The following UNC79 variants were observed in gnomAD, a reference collection of about 807,000 sequenced individuals.
UNC79 encodes the protein unc-79 subunit of NALCN channel complex, also known as protein unc-79 homolog.
Under a neutral mutation model 283.1 loss-of-function variants are expected in UNC79, and 37 were observed. The ratio of observed to expected loss-of-function variants is 0.13; its 90% CI spans 0.10 to 0.17. The LOEUF (loss-of-function observed/expected upper bound fraction) is 0.17, where lower values mean the gene tolerates loss of function less well. Among genes scored for constraint, UNC79 ranks in the 10% least tolerant of loss-of-function variants. UNC79 has a pLI of 1.00. For synonymous variants in UNC79, 1,107 were observed against 1,200.2 expected, an observed-to-expected ratio of 0.92 and a Z score of 1.61; for missense variants, 2,272 against 3,211.1, an observed-to-expected ratio of 0.71 and a Z score of 7.07.
At chr14:93,470,461 A>G (rs2057444206) in intron 2 of UNC79, among the ~76,000 whole-genome samples, 1 of 152,212 alleles carries the variant, frequency 6.6e-6, no homozygotes, top group Non-Finnish European at 1.5e-5. Flanking sequence ...ATTTGTGTTC[A>G]TGGGCATTCC....
Position 93,531,006 on chromosome 14 carries a change from A to G in UNC79, c.1094-1544A>G, listed in dbSNP as rs778824910. On this transcript the variant is annotated intron_variant, in intron 10 of 48. Coordinates refer to ENST00000555664, the Ensembl canonical transcript of UNC79. The surrounding 1 kb of genome is among the most constrained non-coding windows in gnomAD (Gnocchi z 4.2). ...GGGTAAATTTAACTTTTTTTCCTTT[A>G]AATTATGCTACTTAATTAGTGATCA... is the stretch of plus-strand genomic sequence containing the variant. Among the ~76,000 whole-genome samples the G allele has an allele frequency of 2.0e-5, 3 of 152,204 alleles. No individual in the cohort carries two copies. Among genetic ancestry groups the G allele is most frequent in the Non-Finnish European group, 4.4e-5 (3 of 68,024 alleles).
At chr14:93,571,861 T>A in intron 14 of UNC79, 33 bp from the exon 15 acceptor site, 1 of 1,612,532 alleles carries the variant, frequency 6.2e-7, no homozygotes, top group Non-Finnish European at 8.5e-7. Flanking sequence ...TGTGTTTCAT[T>A]CTTTTCCCCT....
At chr14:93,597,968 A>T (rs889799414) in intron 24 of UNC79, among the ~76,000 whole-genome samples, 1 of 152,180 alleles carries the variant, frequency 6.6e-6, no homozygotes, top group African/African-American at 2.4e-5. Flanking sequence ...TACCAGAACC[A>T]CATCTTGCTA....
intron 20 of UNC79, among the ~76,000 whole-genome samples, chr14:93,584,659 T>A (rs1296814197): frequency 1.3e-5 from 2 of 152,218 alleles, no homozygotes; most frequent in Admixed American, 1.3e-4. Context: ...CTCTGCGTAA[T>A]ATTTTATTGG....
intron 44 of UNC79, 119 bp from the exon 48 acceptor site, chr14:93,689,997 TG>T: frequency 9.0e-7 from 1 of 1,113,408 alleles, no homozygotes; most frequent in Non-Finnish European, 1.3e-6. Flanking sequence ...CTTGGCGTTT[TG>T]TTTTATGTGA....
chr14:93,491,627 A>G (rs1173515770), intron 5 of UNC79, among the ~76,000 whole-genome samples: 1 of 152,218 alleles, frequency 6.6e-6, no homozygotes, highest in African/African-American at 2.4e-5. Flanking sequence ...GTACTTTAAA[A>G]TGCTGCTGTG....
exon 19 of UNC79, chr14:93,580,236 G>A: frequency 6.2e-7 from 1 of 1,614,120 alleles, no homozygotes; most frequent in Non-Finnish European, 8.5e-7. Context: ...TGTCTTCCAA[G>A]CCCCCTGGGG....
At chr14:93,590,439 G>T (rs2064576812) in intron 22 of UNC79, among the ~76,000 whole-genome samples, 1 of 152,198 alleles carries the variant, frequency 6.6e-6, no homozygotes, top group Non-Finnish European at 1.5e-5. Context: ...GAGACCATCA[G>T]CAGATCTGGA....
intron 4 of UNC79, among the ~76,000 whole-genome samples, chr14:93,478,026 T>G (rs1354334122): frequency 6.6e-6 from 1 of 152,182 alleles, no homozygotes; most frequent in Non-Finnish European, 1.5e-5. Context: ...TTTTACCACT[T>G]TAGAAAAAAG....
At chr14:93,574,291 G>T (rs1447029112) in intron 16 of UNC79, among the ~76,000 whole-genome samples, 3 of 152,188 alleles carry the variant, frequency 2.0e-5, no homozygotes, top group African/African-American at 7.2e-5. Flanking sequence ...TGCAGCTGAA[G>T]AAGGTTTTCC....
At chr14:93,649,648 A>T (rs1373128789) in intron 35 of UNC79, among the ~76,000 whole-genome samples, 2 of 152,180 alleles carry the variant, frequency 1.3e-5, no homozygotes, top group Non-Finnish European at 2.9e-5. Flanking sequence ...CTTTTGATAG[A>T]TGTGTACATT....
At chr14:93,585,435 T>C (rs150307906) in intron 20 of UNC79, among the ~76,000 whole-genome samples, 46 of 152,324 alleles carry the variant, frequency 3.0e-4, no homozygotes, top group Non-Finnish European at 5.3e-4. Flanking sequence ...CTATTTCTTA[T>C]CATGGTCAGA....
intron 14 of UNC79, among the ~76,000 whole-genome samples, chr14:93,568,451 A>G (rs1006297760): frequency 6.6e-6 from 1 of 152,168 alleles, no homozygotes; most frequent in Non-Finnish European, 1.5e-5. Flanking sequence ...AGGAGCATGG[A>G]TCACCTGAGG....
chr14:93,614,401 C>A (rs1482070435), intron 27 of UNC79, among the ~76,000 whole-genome samples: 1 of 151,958 alleles, frequency 6.6e-6, no homozygotes, highest in Non-Finnish European at 1.5e-5. Context: ...ACTGCAAGCT[C>A]CGCCTCCTGG....
At chr14:93,560,247 T>C (rs758750564) in intron 14 of UNC79, among the ~76,000 whole-genome samples, 56 of 152,172 alleles carry the variant, frequency 3.7e-4, no homozygotes, top group Admixed American at 3.3e-4. Flanking sequence ...ACTTGCTTGG[T>C]TGGTGAGTTT....
At chr14:93,499,657 T>C (rs2059186928) in intron 7 of UNC79, among the ~76,000 whole-genome samples, 2 of 152,106 alleles carry the variant, frequency 1.3e-5, no homozygotes, top group South Asian at 4.1e-4. Flanking sequence ...GAGCTTACAT[T>C]CTAATTGTTG....
chr14:93,421,550 C>T (rs2055599922), intron 1 of UNC79, among the ~76,000 whole-genome samples: 2 of 151,516 alleles, frequency 1.3e-5, no homozygotes, highest in Non-Finnish European at 3.0e-5. Flanking sequence ...CAGTCCTCTT[C>T]AAACATATTG....
intron 41 of UNC79, among the ~76,000 whole-genome samples, chr14:93,681,457 A>C (rs556955181): frequency 6.6e-6 from 1 of 152,316 alleles, no homozygotes; most frequent in East Asian, 1.9e-4. Context: ...GCCCGATAAT[A>C]TGCTGGTTTC....
At chr14:93,702,344 C>T (rs1026402337) in intron 47 of UNC79, among the ~76,000 whole-genome samples, 1 of 152,180 alleles carries the variant, frequency 6.6e-6, no homozygotes, top group Non-Finnish European at 1.5e-5. Context: ...TTTTCTGATA[C>T]ACACCATACT....
Sources: gnomAD v4.1 joint callset for allele counts (sites outside exome capture counted in the v4.1 genomes callset) on GRCh38, gnomAD v4.1.1 for gene constraint, Gnocchi (gnomAD v3.1) non-coding constraint, MANE v1.5 for transcripts, NCBI Gene and HGNC (gene_info 2026-07-23, HGNC 2026-07-21) for gene names.